RCOR3: variants seen among roughly 807,000 people sequenced by gnomAD.
RCOR3 encodes the protein REST corepressor 3.
RCOR3 carries 13 observed loss-of-function variants against 64.1 expected under a neutral mutation model. The observed-to-expected ratio is 0.20, with a 90% CI of 0.13 to 0.32. The LOEUF is 0.32. RCOR3 is among the 10% of genes least tolerant of loss of function. RCOR3 has a pLI of 1.00. For missense variants in RCOR3, 489 were observed against 701.2 expected, an observed-to-expected ratio of 0.70 and a Z score of 3.42; for synonymous variants, 215 against 239.0, an observed-to-expected ratio of 0.90 and a Z score of 0.93.
chr1:211,308,698 T>TTTTTTTTTTTTTTTTTTG (rs1701171863), intron 10 of RCOR3, among the ~76,000 whole-genome samples: 1 of 40,870 alleles, frequency 2.4e-5, no homozygotes, highest in African/African-American at 6.9e-5. Flanking sequence ...TTTTTTTTTT[T>TTTTTTTTTTTTTTTTTTG]TGTGTAGTCC....
At chr1:211,295,468 G>C (rs565070894) in intron 8 of RCOR3, among the ~76,000 whole-genome samples, 1 of 152,144 alleles carries the variant, frequency 6.6e-6, no homozygotes, top group Non-Finnish European at 1.5e-5. Flanking sequence ...AAGATATTCA[G>C]AGTGTTTTAG....
intron 2 of RCOR3, among the ~76,000 whole-genome samples, chr1:211,267,305 C>G (rs573842404): frequency 1.4e-3 from 217 of 152,342 alleles, no homozygotes; most frequent in Middle Eastern, 3.4e-3. Flanking sequence ...CTTCGTAGTT[C>G]ATATTCTTAA....
Position 211,313,345 on chromosome 1 carries a change from T to C in RCOR3, c.1318-79T>C, listed in dbSNP as rs1316251280. 1 of 1,508,076 alleles carries C rather than the reference T, an allele frequency of 6.6e-7. No homozygotes were observed. Among genetic ancestry groups the C allele is most frequent in the African/African-American group, 1.4e-5 (1 of 71,278 alleles). 93.4% of individuals were successfully genotyped at this position (1,508,076 alleles called of 1,614,324 possible). A position where few individuals can be genotyped will look rare whatever the true frequency, so the allele number is the denominator to read the frequency against. On this transcript the variant is annotated intron_variant, in intron 11 of 11. Transcript: ENST00000419091. This position sits in a 1 kb window ranked among gnomAD's most constrained non-coding sequence, Gnocchi z 4.7. ...TTGTTTTGATTTGTTTTGTTTTTCCTGTGACAGCCCAAACTATATTGTATT... is the reference window on the plus strand; with the variant it reads ...TTGTTTTGATTTGTTTTGTTTTTCCCGTGACAGCCCAAACTATATTGTATT...
Position 211,312,639 on chromosome 1 carries a change from C to A in RCOR3, c.1076-81C>A. 2.1e-6 allele frequency: 2 copies of A among 943,864 alleles called. No homozygotes were observed. Among genetic ancestry groups the A allele is most frequent in the Non-Finnish European group, 3.4e-6 (2 of 596,938 alleles). The allele number at this position is 943,864 out of a possible 1,614,324, so 58.5% of individuals were successfully genotyped here. ...CAGAAAGGAATTTCATTGCTGGTATCTTTTGTGTGTGCATGATGTATAGTA... is the reference window on the plus strand; with the variant it reads ...CAGAAAGGAATTTCATTGCTGGTATATTTTGTGTGTGCATGATGTATAGTA... On this transcript the variant is annotated intron_variant, in intron 10 of 11. Transcript: ENST00000419091. This position sits in a 1 kb window ranked among gnomAD's most constrained non-coding sequence, Gnocchi z 5.0.
chr1:211,293,939 A>G (rs781427533), intron 8 of RCOR3, among the ~76,000 whole-genome samples: 1 of 152,212 alleles, frequency 6.6e-6, no homozygotes, highest in Non-Finnish European at 1.5e-5. Flanking sequence ...AGTAAAAGTT[A>G]AAAACTTGGT....
At chr1:211,271,199 A>G (rs1696137336) in intron 2 of RCOR3, 33 bp from the exon 3 acceptor site, 3 of 1,571,516 alleles carry the variant, frequency 1.9e-6, no homozygotes, top group East Asian at 2.2e-5. Context: ...AATAAAATCC[A>G]TCATATTCAA....
intron 1 of RCOR3, 24 bp from the exon 2 acceptor site, chr1:211,260,084 A>C: frequency 6.4e-7 from 1 of 1,569,432 alleles, no homozygotes; most frequent in Non-Finnish European, 8.6e-7. Context: ...TTTTTTATAT[A>C]TATTTTTTGG....
chr1:211,280,719 C>T (rs1697667892), intron 7 of RCOR3, among the ~76,000 whole-genome samples: 1 of 152,210 alleles, frequency 6.6e-6, no homozygotes, highest in Non-Finnish European at 1.5e-5. Flanking sequence ...CTCAGTGGCT[C>T]ACGCCTGTAA....
chr1:211,276,554 A>G (rs1013762446), intron 5 of RCOR3, 136 bp downstream of exon 5: 4 of 744,094 alleles, frequency 5.4e-6, no homozygotes, highest in Admixed American at 6.2e-5. Flanking sequence ...GTATATTTAT[A>G]TACAATCCTG....
chr1:211,270,418 A>G (rs1695979081), intron 2 of RCOR3, among the ~76,000 whole-genome samples: 1 of 152,174 alleles, frequency 6.6e-6, no homozygotes, highest in South Asian at 2.1e-4. Context: ...TTTTATAAAT[A>G]TAAGATGTAA....
chr1:211,308,680 T>TG (rs1558111551), intron 10 of RCOR3, among the ~76,000 whole-genome samples: 1 of 35,910 alleles, frequency 2.8e-5, no homozygotes, highest in East Asian at 1.1e-3. Context: ...TTTGTTTTTT[T>TG]TTTGTTTTTT....
chr1:211,304,698 T>C (rs1347241291), intron 10 of RCOR3, among the ~76,000 whole-genome samples: 1 of 152,230 alleles, frequency 6.6e-6, no homozygotes. Context: ...AAAATCACAT[T>C]CAGCATTTTC....
At chr1:211,293,039 G>A (rs1035070976) in intron 8 of RCOR3, among the ~76,000 whole-genome samples, 8 of 151,692 alleles carry the variant, frequency 5.3e-5, no homozygotes, top group South Asian at 4.2e-4. Flanking sequence ...AGCCGAGATC[G>A]CGCCACTGCA....
chr1:211,283,236 C>G (rs1698067479), intron 7 of RCOR3, among the ~76,000 whole-genome samples: 2 of 152,194 alleles, frequency 1.3e-5, no homozygotes, highest in South Asian at 4.1e-4. Flanking sequence ...TCATTGTTAA[C>G]AGTGATTGTG....
chr1:211,289,046 A>G, intron 7 of RCOR3, 132 bp from the exon 8 acceptor site: 3 of 667,636 alleles, frequency 4.5e-6, no homozygotes, highest in East Asian at 5.5e-5. Context: ...ACTTGTACAT[A>G]ATATATAATT....
At chr1:211,263,237 G>A (rs926778096) in intron 2 of RCOR3, among the ~76,000 whole-genome samples, 1 of 151,806 alleles carries the variant, frequency 6.6e-6, no homozygotes, top group African/African-American at 2.4e-5. Context: ...ATTCCATGGT[G>A]TATATGTGCC....
chr1:211,275,037 TATATA>T (rs1696767203), intron 4 of RCOR3, among the ~76,000 whole-genome samples: 1 of 151,158 alleles, frequency 6.6e-6, no homozygotes, highest in Non-Finnish European at 1.5e-5. Context: ...CACTCTATTA[TATATA>T]ATATACTATA....
chr1:211,311,352 C>T (rs936324416), intron 10 of RCOR3, among the ~76,000 whole-genome samples: 14 of 152,088 alleles, frequency 9.2e-5, no homozygotes, highest in African/African-American at 3.1e-4. Context: ...CAAAACTCTA[C>T]CTTAAAAATG....
At chr1:211,290,159 T>G (rs982474112) in intron 8 of RCOR3, among the ~76,000 whole-genome samples, 3 of 152,212 alleles carry the variant, frequency 2.0e-5, no homozygotes, top group Admixed American at 2.0e-4. Flanking sequence ...AATCTAGATA[T>G]TCTTCTAAAT....
Sources: gnomAD v4.1 joint callset for allele counts (sites outside exome capture counted in the v4.1 genomes callset) on GRCh38, gnomAD v4.1.1 for gene constraint, Gnocchi (gnomAD v3.1) non-coding constraint, MANE v1.5 for transcripts, NCBI Gene and HGNC (gene_info 2026-07-23, HGNC 2026-07-21) for gene names.